The following NTHL1 variants were observed in gnomAD, a reference collection of about 807,000 sequenced individuals.
NTHL1 encodes endonuclease III-like protein 1.
NTHL1 carries 32 observed loss-of-function variants against 32.3 expected under a neutral mutation model. The observed-to-expected ratio is 0.99, with a 90% CI of 0.75 to 1.33. The LOEUF (loss-of-function observed/expected upper bound fraction) is 1.33, where lower values mean the gene tolerates loss of function less well. NTHL1 is among the 40% of genes most tolerant of loss of function. NTHL1 has a pLI of 0.00. For missense variants in NTHL1, 501 were observed against 414.1 expected (o/e 1.21, Z -1.82); for synonymous variants, 188 against 176.9 (o/e 1.06, Z -0.50).
Position 2,039,909 on chromosome 16 carries a change from A to G in NTHL1, c.*15T>C. On this transcript the variant is annotated 3_prime_UTR_variant, in exon 6 of 6. Coordinates refer to ENST00000651570, the MANE Select transcript of NTHL1 (RefSeq NM_002528.7). ...CGGTGGCCACAGCGGCACCTCGGCC[A>G]GAGCCATGCGGCCATCAGAGACCCT... 6.2e-7 allele frequency: 1 copy of G among 1,600,018 alleles called. No homozygotes were observed. Among genetic ancestry groups the G allele is most frequent in the Non-Finnish European group, 8.5e-7 (1 of 1,179,764 alleles).
chr16:2,047,700 C>G lies in NTHL1; in HGVS notation c.115+9G>C. On this transcript the variant is annotated intron_variant, in intron 1 of 5. Coordinates refer to ENST00000651570, the MANE Select transcript of NTHL1 (RefSeq NM_002528.7). ...CTCCTCCCACGCTCCAGCCACGGCGCGGCGCTACCTGCTGCAGCCTCTCTT... is the reference window on the plus strand; with the variant it reads ...CTCCTCCCACGCTCCAGCCACGGCGGGGCGCTACCTGCTGCAGCCTCTCTT... 1 of 1,572,262 alleles carries G rather than the reference C, an allele frequency of 6.4e-7. No individual in the cohort carries two copies. Among genetic ancestry groups the G allele is most frequent in the Non-Finnish European group, 8.6e-7 (1 of 1,166,668 alleles).
rs2084381789 is a variant in NTHL1, at chr16:2,046,304, A to G, written c.178T>C (p.Tyr60His). 14 of 1,613,030 alleles carry G rather than the reference A, an allele frequency of 8.7e-6. No homozygotes were observed. Among genetic ancestry groups the G allele is most frequent in the South Asian group, 1.1e-5 (1 of 91,086 alleles). Residue 60 changes from tyrosine to histidine, a missense_variant, in exon 2 of 6, where the codon TAT (tyrosine) becomes CAT (histidine). Physicochemically the swap from Tyr to His is moderately conservative, Grantham distance 83 (BLOSUM62 2). Coordinates refer to ENST00000651570, the MANE Select transcript of NTHL1 (RefSeq NM_002528.7). ...PRKAQRLRVA[Y>H]EGSDSEKGEG... ...CCTTTCTCACTGTCCGAGCCCTCATAGGCCACACGCAGTCTCTGTGCTTTC... is the reference window on the plus strand; with the variant it reads ...CCTTTCTCACTGTCCGAGCCCTCATGGGCCACACGCAGTCTCTGTGCTTTC...
rs779210371 is a variant in NTHL1, at chr16:2,043,872, G to T, written c.526-146C>A. The T allele has an allele frequency of 1.1e-6, 1 of 933,540 alleles. No homozygotes were observed. The allele number at this position is 933,540 out of a possible 1,614,324, so 57.8% of individuals were successfully genotyped here. On this transcript the variant is annotated intron_variant, in intron 3 of 5. Coordinates refer to ENST00000651570, the MANE Select transcript of NTHL1 (RefSeq NM_002528.7). The surrounding 1 kb of genome is among the most constrained non-coding windows in gnomAD (Gnocchi z 4.4). ...GCTCAGCCCCCGCCCCCCAGGAGGC[G>T]GGAACAAGCGGAGGGCAGCAGGGAG...
Position 2,044,820 on chromosome 16 carries a change from G to A in NTHL1, c.355-20C>T, listed in dbSNP as rs372232458. On this transcript the variant is annotated intron_variant, in intron 2 of 5. Transcript: ENST00000651570. This position sits in a 1 kb window ranked among gnomAD's most constrained non-coding sequence, Gnocchi z 5.0. ...GCGTACCTGCTTGTGCAGTGACAGG[G>A]ACCGGGGTGGCGGCGGGTCCTGGGT... 8.9e-6 allele frequency: 14 copies of A among 1,578,222 alleles called. No individual in the cohort carries two copies. The African/African-American group carries it at 1.6e-4, about 18-fold the overall frequency.
rs950917950 is a variant in NTHL1 at position 2,044,616 on chromosome 16, C to T, written c.525+14G>A. On this transcript the variant is annotated intron_variant, in intron 3 of 5. Transcript: ENST00000651570. This position sits in a 1 kb window ranked among gnomAD's most constrained non-coding sequence, Gnocchi z 5.0. Reference sequence around the variant, plus strand: ...CACTGCCACCCGGCCCCCGTTGCCACAGGCAGGGCTCACCCTCCAGAAACC... The same window carrying T: ...CACTGCCACCCGGCCCCCGTTGCCATAGGCAGGGCTCACCCTCCAGAAACC... 7 of 1,600,912 alleles carry T rather than the reference C, an allele frequency of 4.4e-6. No homozygotes were observed. The highest frequency in any genetic ancestry group is 5.1e-6 in the Non-Finnish European group (6 of 1,179,874).
At chr16:2,046,895 C>CTTTTTTTAA in intron 1 of NTHL1, 1 of 155,376 alleles carries the variant, frequency 6.4e-6, no homozygotes, top group Admixed American at 6.3e-5. Flanking sequence ...CTGCTTGAAC[C>CTTTTTTTAA]TGGGGGGCGG....
intron 4 of NTHL1, among the ~76,000 whole-genome samples, chr16:2,041,095 C>T (rs1004176045): frequency 6.6e-6 from 1 of 152,252 alleles, no homozygotes; most frequent in Non-Finnish European, 1.5e-5. Flanking sequence ...CCAGCCCTGC[C>T]TCCTCCTCCC....
Position 2,044,836 on chromosome 16 carries a change from G to A in NTHL1, c.355-36C>T. The A allele has an allele frequency of 6.5e-7, 1 of 1,544,972 alleles. No individual in the cohort carries two copies. ...AGTGACAGGGACCGGGGTGGCGGCG[G>A]GTCCTGGGTGATTCCCTGGCCAGGC... On this transcript the variant is annotated intron_variant, in intron 2 of 5. Transcript: ENST00000651570. This position sits in a 1 kb window ranked among gnomAD's most constrained non-coding sequence, Gnocchi z 5.0.
intron 1 of NTHL1, 64 bp from the exon 2 acceptor site, chr16:2,046,430 TC>T: frequency 6.9e-7 from 1 of 1,453,214 alleles, no homozygotes; most frequent in Non-Finnish European, 9.4e-7. Context: ...AGGGGTGCCA[TC>T]CCGCCTGCTA....
chr16:2,047,483 G>C, intron 1 of NTHL1: 1 of 689,110 alleles, frequency 1.5e-6, no homozygotes, highest in Non-Finnish European at 2.3e-6. Context: ...TGCTTGGGGC[G>C]AAAGGGGGCA....
At chr16:2,042,028 C>T in intron 4 of NTHL1, 1 of 455,958 alleles carries the variant, frequency 2.2e-6, no homozygotes, top group Non-Finnish European at 4.4e-6. Flanking sequence ...GCTGGGATTA[C>T]AGGCTTGAGC....
chr16:2,043,498 G>A lies in NTHL1; in HGVS notation c.685+69C>T, dbSNP rs2084296881. The A allele has an allele frequency of 1.9e-6, 3 of 1,587,592 alleles. No individual in the cohort carries two copies. Among genetic ancestry groups the A allele is most frequent in the African/African-American group, 2.7e-5 (2 of 74,682 alleles). On this transcript the variant is annotated intron_variant, in intron 4 of 5. Transcript: ENST00000651570. This position sits in a 1 kb window ranked among gnomAD's most constrained non-coding sequence, Gnocchi z 4.4. Reference sequence around the variant, plus strand: ...CAGCATGCTGGAAGTGGAGTCACAGGTCACAAGGATGTGGGGAATCCCAAG... The same window carrying A: ...CAGCATGCTGGAAGTGGAGTCACAGATCACAAGGATGTGGGGAATCCCAAG...
rs750166500 is a variant in NTHL1 at position 2,047,810 on chromosome 16, C to G, written c.14G>C (p.Ser5Thr). Residue 5 changes from serine to threonine, a missense_variant, in exon 1 of 6, where the codon AGC (serine) becomes ACC (threonine). Ser to Thr is a moderately conservative substitution (Grantham distance 58). Coordinates refer to ENST00000651570, the MANE Select transcript of NTHL1 (RefSeq NM_002528.7). Reference sequence around the variant, plus strand: ...CCGGCTCCGGGTCAGCATCCTCGCGCTCAAGGCGGTCATGCCGGACTCCTG... The same window carrying G: ...CCGGCTCCGGGTCAGCATCCTCGCGGTCAAGGCGGTCATGCCGGACTCCTG... The part of the protein sequence containing the change: MTAL[S>T]ARMLTRSRSL... 17 of 1,593,008 alleles carry G rather than the reference C, an allele frequency of 1.1e-5. No homozygotes were observed. Among genetic ancestry groups the G allele is most frequent in the Non-Finnish European group, 1.4e-5 (17 of 1,174,934 alleles).
At chr16:2,040,947 C>T (rs1249490293) in intron 4 of NTHL1, among the ~76,000 whole-genome samples, 1 of 152,186 alleles carries the variant, frequency 6.6e-6, no homozygotes, top group East Asian at 1.9e-4. Flanking sequence ...CGGTCAGGGA[C>T]ACAGCGGGAG....
Position 2,044,577 on chromosome 16 carries a change from G to C in NTHL1, c.525+53C>G. 1 of 1,594,820 alleles carries C rather than the reference G, an allele frequency of 6.3e-7. No homozygotes were observed. Among genetic ancestry groups the C allele is most frequent in the East Asian group, 2.2e-5 (1 of 44,854 alleles). On this transcript the variant is annotated intron_variant, in intron 3 of 5. Coordinates refer to ENST00000651570, the MANE Select transcript of NTHL1 (RefSeq NM_002528.7). The surrounding 1 kb of genome is among the most constrained non-coding windows in gnomAD (Gnocchi z 5.0). ...GTCGCCACCCCCCTCAGCCTTCTGA[G>C]GTCTCTCTCAGGCCACTGCCACCCG...
intron 4 of NTHL1, among the ~76,000 whole-genome samples, chr16:2,041,684 T>C (rs1329386314): frequency 2.0e-5 from 3 of 151,410 alleles, no homozygotes; most frequent in Non-Finnish European, 2.9e-5. Context: ...CTCAGCTCAC[T>C]GCAAGCCCCA....
At chr16:2,046,075 C>T in intron 2 of NTHL1, 53 bp downstream of exon 2, 1 of 1,497,744 alleles carries the variant, frequency 6.7e-7, no homozygotes, top group Non-Finnish European at 9.3e-7. Flanking sequence ...AGAAAGAAAA[C>T]AAGGACCTTG....
chr16:2,042,159 G>A (rs1463116304), intron 4 of NTHL1: 1 of 452,592 alleles, frequency 2.2e-6, no homozygotes, highest in African/African-American at 2.0e-5. Flanking sequence ...GGAGAGGGAG[G>A]TATTTCCACA....
In NTHL1 at chr16:2,044,590, C is replaced by A; in HGVS notation, c.525+40G>T. The A allele has an allele frequency of 1.9e-6, 3 of 1,597,506 alleles. No individual in the cohort carries two copies. The highest frequency in any genetic ancestry group is 2.5e-6 in the Non-Finnish European group (3 of 1,179,612). ...TCAGCCTTCTGAGGTCTCTCTCAGG[C>A]CACTGCCACCCGGCCCCCGTTGCCA... On this transcript the variant is annotated intron_variant, in intron 3 of 5. Coordinates refer to ENST00000651570, the MANE Select transcript of NTHL1 (RefSeq NM_002528.7). This position sits in a 1 kb window ranked among gnomAD's most constrained non-coding sequence, Gnocchi z 5.0.
Sources: gnomAD v4.1 joint callset for allele counts (sites outside exome capture counted in the v4.1 genomes callset) on GRCh38, gnomAD v4.1.1 for gene constraint, Gnocchi (gnomAD v3.1) non-coding constraint, MANE v1.5 for transcripts, NCBI Gene and HGNC (gene_info 2026-07-23, HGNC 2026-07-21) for gene names.